The following RLF variants were observed in gnomAD, a reference collection of about 807,000 sequenced individuals.
RLF encodes the protein RLF zinc finger.
RLF carries 7 observed loss-of-function variants against 162.9 expected under a neutral mutation model. That is an observed-to-expected ratio of 0.04 (90% CI 0.02 to 0.08). The LOEUF (loss-of-function observed/expected upper bound fraction) is 0.08. RLF is among the 10% of genes least tolerant of loss of function. The probability of loss-of-function intolerance (pLI) is 1.00; values close to 1 mark genes in which losing one functional copy is unlikely to be tolerated. For missense variants in RLF, 1,664 were observed against 2,244.7 expected, an observed-to-expected ratio of 0.74 and a Z score of 5.23; for synonymous variants, 782 against 791.5, an observed-to-expected ratio of 0.99 and a Z score of 0.20.
chr1:40,166,027 C>T (rs1388171184), intron 1 of RLF, among the ~76,000 whole-genome samples: 1 of 152,192 alleles, frequency 6.6e-6, no homozygotes, highest in African/African-American at 2.4e-5. Flanking sequence ...TTTCTGATTT[C>T]AGCAGGCAGA....
chr1:40,176,863 A>T (rs543199729), intron 1 of RLF, among the ~76,000 whole-genome samples: 12 of 151,760 alleles, frequency 7.9e-5, no homozygotes, highest in Admixed American at 2.0e-4. Flanking sequence ...GAATTTTGAG[A>T]GGTGTTGTGT....
At chr1:40,196,497 G>T (rs935557025) in intron 4 of RLF, among the ~76,000 whole-genome samples, 28 of 151,234 alleles carry the variant, frequency 1.9e-4, no homozygotes, top group African/African-American at 6.8e-4. Context: ...AGTTTTTGTT[G>T]TTTTTGTTTT....
intron 4 of RLF, among the ~76,000 whole-genome samples, chr1:40,200,765 T>C (rs1236671290): frequency 6.6e-6 from 1 of 150,964 alleles, no homozygotes; most frequent in Non-Finnish European, 1.5e-5. Context: ...TATATATATA[T>C]GTTTTTCTTT....
chr1:40,185,973 A>G (rs1309528637), intron 1 of RLF, among the ~76,000 whole-genome samples: 2 of 152,102 alleles, frequency 1.3e-5, no homozygotes, highest in African/African-American at 4.8e-5. Flanking sequence ...CCTGGCCAAA[A>G]TGGTGAAACC....
chr1:40,239,553 C>A lies in RLF; in HGVS notation c.4851C>A (p.Ser1617Arg), dbSNP rs757594592. 6.2e-7 allele frequency: 1 copy of A among 1,614,110 alleles called. No individual in the cohort carries two copies. The highest frequency in any genetic ancestry group is 1.1e-5 in the South Asian group (1 of 91,086). The stretch of plus-strand genomic sequence containing the variant: ...GTATAAAGAAAGAAGAAAATAGAAG[C>A]TGTGAATCAGAGCGCACAGAACACA... ...DPCIKKEENR[S>R]CESERTEHSH... is the part of the protein sequence containing the mutation. The change falls in exon 8 of 8, where the codon AGC (serine) becomes AGA (arginine). Residue 1617 changes from serine (S) to arginine (R), a missense_variant. Ser to Arg is a moderately radical substitution (Grantham distance 110). Transcript: ENST00000372771.
chr1:40,213,020 G>A (rs1642883046), intron 5 of RLF, among the ~76,000 whole-genome samples: 1 of 152,164 alleles, frequency 6.6e-6, no homozygotes, highest in Admixed American at 6.5e-5. Flanking sequence ...TTGGCTGCCT[G>A]TTAGACCATT....
At chr1:40,166,604 C>T (rs947178461) in intron 1 of RLF, among the ~76,000 whole-genome samples, 5 of 151,956 alleles carry the variant, frequency 3.3e-5, no homozygotes, top group Non-Finnish European at 7.4e-5. Flanking sequence ...GGAACCAACC[C>T]AGATGTCCAT....
chr1:40,201,264 C>A (rs1301445467), intron 4 of RLF, among the ~76,000 whole-genome samples: 1 of 151,780 alleles, frequency 6.6e-6, no homozygotes, highest in Non-Finnish European at 1.5e-5. Flanking sequence ...ATGCAATATT[C>A]TCACCTCTAT....
chr1:40,197,232 A>G (rs527660357), intron 4 of RLF, among the ~76,000 whole-genome samples: 3 of 152,226 alleles, frequency 2.0e-5, no homozygotes, highest in Admixed American at 2.0e-4. Flanking sequence ...CTGACAAGAA[A>G]AAAAAAGAAT....
chr1:40,204,101 T>C (rs116719559), intron 5 of RLF, among the ~76,000 whole-genome samples: 7,635 of 150,088 alleles, frequency 0.051, 570 homozygotes, highest in African/African-American at 0.17. Context: ...GGCGCGATCT[T>C]TGCTCCTGGG....
intron 1 of RLF, among the ~76,000 whole-genome samples, chr1:40,173,571 T>C (rs1642276925): frequency 6.6e-6 from 1 of 151,650 alleles, no homozygotes; most frequent in Non-Finnish European, 1.5e-5. Flanking sequence ...TGTAGTGCAG[T>C]GTTACAATCT....
At chr1:40,176,654 A>G (rs1642329992) in intron 1 of RLF, among the ~76,000 whole-genome samples, 1 of 151,958 alleles carries the variant, frequency 6.6e-6, no homozygotes, top group Admixed American at 6.6e-5. Flanking sequence ...CATTGCCCAG[A>G]TTGGTCTCAA....
intron 4 of RLF, among the ~76,000 whole-genome samples, chr1:40,202,028 A>G (rs1447784004): frequency 6.6e-6 from 1 of 152,134 alleles, no homozygotes; most frequent in African/African-American, 2.4e-5. Context: ...CAAGTTACCT[A>G]ACTTCTGTGA....
chr1:40,209,749 C>T (rs1224276120), intron 5 of RLF, among the ~76,000 whole-genome samples: 3 of 151,864 alleles, frequency 2.0e-5, no homozygotes, highest in East Asian at 3.9e-4. Context: ...TGGTGGTGTG[C>T]GCCTGTAATC....
In RLF at chr1:40,239,095, G is replaced by A. The variant is rs1643256101; in HGVS notation, c.4393G>A (p.Val1465Ile). 1 of 1,614,122 alleles carries A rather than the reference G, an allele frequency of 6.2e-7. No individual in the cohort carries two copies. The highest frequency in any genetic ancestry group is 8.5e-7 in the Non-Finnish European group (1 of 1,180,018). ...CCATCGCAGTAATTACTCACAACAT[G>A]TATATTACCGACATAAAGACTATTA... ...FTHRSNYSQH[V>I]YYRHKDYYDD... The change falls in exon 8 of 8, where the codon GTA (valine) becomes ATA (isoleucine). Residue 1465 changes from valine (V) to isoleucine (I), a missense_variant. Transcript: ENST00000372771.
intron 1 of RLF, among the ~76,000 whole-genome samples, chr1:40,171,762 A>G (rs1642248183): frequency 6.6e-6 from 1 of 152,144 alleles, no homozygotes; most frequent in Non-Finnish European, 1.5e-5. Flanking sequence ...TATAAATATT[A>G]CAATTTCTAA....
chr1:40,185,826 CAAAAAAAAAAAAAAAGCAAAAA>C (rs1303288230), intron 1 of RLF, among the ~76,000 whole-genome samples: 1 of 30,286 alleles, frequency 3.3e-5, no homozygotes, highest in African/African-American at 1.0e-4. Context: ...GAGACTGTCT[CAAAAAAAAAAAAAAAGCAAAAA>C]AAAAAAAAAA....
rs1172531902 is a variant in RLF, at chr1:40,237,104, A to T, written c.2402A>T (p.Tyr801Phe). 1.9e-6 allele frequency: 3 copies of T among 1,613,882 alleles called. No individual in the cohort carries two copies. In the African/African-American group the frequency reaches 4.0e-5, roughly 22 times the overall value. ...GCACAACACTTTAGGGATGCATCTT[A>T]CACATGCAACTTCCTTGGCTGTAAA... ...HEAQHFRDAS[Y>F]TCNFLGCKKF... Residue 801 changes from tyrosine to phenylalanine, a missense_variant, in exon 8 of 8, where the codon TAC becomes TTC. Transcript: ENST00000372771. This position sits in a 1 kb window ranked among gnomAD's most constrained non-coding sequence, Gnocchi z 4.4.
chr1:40,194,468 C>T (rs1055725104), intron 3 of RLF, among the ~76,000 whole-genome samples: 10 of 151,840 alleles, frequency 6.6e-5, no homozygotes, highest in Non-Finnish European at 1.3e-4. Flanking sequence ...GGCAAAACCC[C>T]GTCTCTACTA....
Sources: gnomAD v4.1 joint callset for allele counts (sites outside exome capture counted in the v4.1 genomes callset) on GRCh38, gnomAD v4.1.1 for gene constraint, Gnocchi (gnomAD v3.1) non-coding constraint, MANE v1.5 for transcripts, NCBI Gene and HGNC (gene_info 2026-07-23, HGNC 2026-07-21) for gene names.